The following SPATA13 variants were observed in gnomAD, a reference collection of about 807,000 sequenced individuals.
SPATA13 encodes the protein spermatogenesis associated 13.
In SPATA13, 50 loss-of-function variants were observed where a neutral mutation model predicts 104.0. The observed-to-expected ratio is 0.48, with a 90% confidence interval of 0.38 to 0.61. SPATA13 has a LOEUF of 0.61. Ranked by LOEUF, SPATA13 falls within the 20% of genes least tolerant of loss-of-function variation. The pLI is 0.00. For missense variants in SPATA13, 1,524 were observed against 1,690.6 expected (o/e 0.90, Z 1.73); for synonymous variants, 606 against 667.5 (o/e 0.91, Z 1.42).
At chr13:24,291,418 G>A (rs1424643249) in intron 9 of SPATA13, among the ~76,000 whole-genome samples, 1 of 152,212 alleles carries the variant, frequency 6.6e-6, no homozygotes, top group East Asian at 1.9e-4. Flanking sequence ...GAAGGGGTGA[G>A]GGCACACACA....
In SPATA13 at chr13:24,088,827, G is replaced by A. The variant is rs1343636695; in HGVS notation, c.-112+71126G>A. ...CCAGAAATGTGTGACCCCAGCTTCCGTCAGTGCTGGCTGAGGAGTGTCCCC... is the reference window on the plus strand; with the variant it reads ...CCAGAAATGTGTGACCCCAGCTTCCATCAGTGCTGGCTGAGGAGTGTCCCC... On this transcript the variant is annotated intron_variant, in intron 3 of 14. Transcript: ENST00000424834. The surrounding 1 kb of genome is among the most constrained non-coding windows in gnomAD (Gnocchi z 4.3). Among the ~76,000 whole-genome samples, 2 of 152,154 alleles carry A rather than the reference G, an allele frequency of 1.3e-5. No homozygotes were observed. The highest frequency in any genetic ancestry group is 2.9e-5 in the Non-Finnish European group (2 of 68,028).
chr13:24,251,173 C>T (rs1023539521), intron 3 of SPATA13, among the ~76,000 whole-genome samples: 3 of 152,214 alleles, frequency 2.0e-5, no homozygotes, highest in African/African-American at 7.2e-5. Flanking sequence ...AGCTCCACTG[C>T]CGTGTGAGTT....
chr13:24,182,509 A>C (rs1323029972), intron 1 of SPATA13, among the ~76,000 whole-genome samples: 1 of 149,888 alleles, frequency 6.7e-6, no homozygotes, highest in Admixed American at 6.7e-5. Flanking sequence ...AGAGAGAGAG[A>C]GCGCAGGAAA....
chr13:24,231,898 A>T (rs1479333928), intron 2 of SPATA13, among the ~76,000 whole-genome samples: 1 of 152,172 alleles, frequency 6.6e-6, no homozygotes, highest in African/African-American at 2.4e-5. Context: ...CATTCAAGTG[A>T]TCTGATTTAG....
intron 2 of SPATA13, among the ~76,000 whole-genome samples, chr13:23,987,898 G>A (rs183905128): frequency 2.3e-4 from 35 of 151,404 alleles, no homozygotes; most frequent in African/African-American, 5.8e-4. Flanking sequence ...ATAACGCAAC[G>A]TTCTTAAGGC....
intron 3 of SPATA13, among the ~76,000 whole-genome samples, chr13:24,066,125 C>T (rs976510886): frequency 6.6e-6 from 1 of 152,058 alleles, no homozygotes; most frequent in African/African-American, 2.4e-5. Context: ...TATATTGTAC[C>T]TTTAGGTTAC....
At chr13:23,990,678 A>G (rs556770825) in intron 2 of SPATA13, among the ~76,000 whole-genome samples, 29 of 152,194 alleles carry the variant, frequency 1.9e-4, no homozygotes, top group Non-Finnish European at 4.1e-4. Flanking sequence ...TTCCTTGTAT[A>G]AAAGGGTGCA....
intron 2 of SPATA13, among the ~76,000 whole-genome samples, chr13:24,000,264 A>G (rs2137671371): frequency 6.6e-6 from 1 of 152,348 alleles, no homozygotes; most frequent in Non-Finnish European, 1.5e-5. Context: ...GAGGAAGTGT[A>G]GGTCTTGGGG....
At chr13:24,264,785 G>A (rs571696934) in intron 4 of SPATA13, among the ~76,000 whole-genome samples, 3 of 152,168 alleles carry the variant, frequency 2.0e-5, no homozygotes, top group Non-Finnish European at 2.9e-5. Context: ...AAAAATCCAC[G>A]TGTGCTTACA....
chr13:24,226,263 G>T (rs1396886181), intron 2 of SPATA13, among the ~76,000 whole-genome samples: 1 of 152,128 alleles, frequency 6.6e-6, no homozygotes, highest in Non-Finnish European at 1.5e-5. Flanking sequence ...CTGCGGACCC[G>T]CCCCTTCCCA....
chr13:24,248,377 T>C (rs376441903), intron 2 of SPATA13, among the ~76,000 whole-genome samples: 1 of 152,256 alleles, frequency 6.6e-6, no homozygotes, highest in Admixed American at 6.5e-5. Flanking sequence ...GAGATTGCAC[T>C]AGGTCTTGGG....
At chr13:24,052,069 CTTCTT>C (rs57488344) in intron 3 of SPATA13, among the ~76,000 whole-genome samples, 128,379 of 151,964 alleles carry the variant, frequency 0.84, 54,539 homozygotes, top group Non-Finnish European at 0.9. Flanking sequence ...CAGGGTTTGG[CTTCTT>C]ACACCAGCAT....
At chr13:24,204,571 AT>A (rs1382242239) in intron 1 of SPATA13, among the ~76,000 whole-genome samples, 1 of 152,184 alleles carries the variant, frequency 6.6e-6, no homozygotes, top group Non-Finnish European at 1.5e-5. Context: ...CCCAAACTGA[AT>A]GTCCATACTC....
intron 10 of SPATA13, among the ~76,000 whole-genome samples, chr13:24,295,936 GGCACCCTGGCTTCAAAGTCCGT>G (rs1291085104): frequency 1.3e-5 from 2 of 152,118 alleles, no homozygotes; most frequent in African/African-American, 4.8e-5. Context: ...AACCCAAGCA[GGCACCCTGGCTTCAAAGTCCGT>G]GCTGGTGATC....
chr13:24,072,011 T>C (rs1879178210), intron 3 of SPATA13, among the ~76,000 whole-genome samples: 1 of 152,198 alleles, frequency 6.6e-6, no homozygotes, highest in Non-Finnish European at 1.5e-5. Context: ...AATAATTCAA[T>C]CCATATGCCG....
Position 24,281,813 on chromosome 13 carries a change from G to A in SPATA13, c.2165-2322G>A, listed in dbSNP as rs147469006. ...AGCACAGTCTGAGAGAGGGGCTGGG[G>A]CCGGGCTGGGAGAGGCGCCGCTGGC... On this transcript the variant is annotated intron_variant, in intron 4 of 12. Coordinates refer to ENST00000382108, the MANE Select transcript of SPATA13 (RefSeq NM_001166271.3). 4.8e-3 allele frequency among the ~76,000 whole-genome samples: 733 copies of A among 152,298 alleles called. 5 individuals are homozygous for A. The highest frequency in any genetic ancestry group is 0.01 in the Middle Eastern group (3 of 294).
At chr13:24,133,754 G>T (rs1566115952) in intron 3 of SPATA13, among the ~76,000 whole-genome samples, 1 of 152,148 alleles carries the variant, frequency 6.6e-6, no homozygotes, top group Non-Finnish European at 1.5e-5. Context: ...GGGGAGGAGA[G>T]GCAGAATAGT....
intron 3 of SPATA13, among the ~76,000 whole-genome samples, chr13:24,053,817 T>G (rs1459580630): frequency 1.3e-5 from 2 of 152,212 alleles, no homozygotes; most frequent in Non-Finnish European, 2.9e-5. Context: ...GATGGCTGTT[T>G]GAAACCAACA....
At chr13:24,021,249 G>A (rs531262767) in intron 3 of SPATA13, among the ~76,000 whole-genome samples, 1 of 152,336 alleles carries the variant, frequency 6.6e-6, no homozygotes, top group African/African-American at 2.4e-5. Context: ...TTCCAAGTGC[G>A]GAGCACAGCA....
Sources: allele counts gnomAD v4.1 joint callset (sites outside exome capture counted in the v4.1 genomes callset), GRCh38; gene constraint gnomAD v4.1.1; non-coding constraint Gnocchi (gnomAD v3.1); transcripts MANE v1.5; gene names NCBI Gene and HGNC (gene_info 2026-07-23, HGNC 2026-07-21).